The following RERE variants were observed in gnomAD, a reference collection of about 807,000 sequenced individuals.
The protein encoded by RERE is arginine-glutamic acid dipeptide repeats protein.
In RERE, 40 loss-of-function variants were observed where a neutral mutation model predicts 146.1. The observed-to-expected ratio is 0.27, with a 90% CI of 0.21 to 0.36. The LOEUF (loss-of-function observed/expected upper bound fraction) is 0.36. Ranked by LOEUF, RERE falls within the 10% of genes least tolerant of loss-of-function variation. The probability of loss-of-function intolerance (pLI) is 1.00; values close to 1 mark genes in which losing one functional copy is unlikely to be tolerated. For synonymous variants in RERE, 1,003 were observed against 866.0 expected (o/e 1.16, Z -2.78); for missense variants, 1,933 against 2,138.7 (o/e 0.90, Z 1.90).
intron 1 of RERE, among the ~76,000 whole-genome samples, chr1:8,681,193 C>T (rs1003126812): frequency 3.3e-5 from 5 of 152,158 alleles, no homozygotes; most frequent in Non-Finnish European, 7.4e-5. Flanking sequence ...CAATAAGCTA[C>T]TATTCTCCTA....
chr1:8,565,256 A>C (rs771799324), intron 4 of RERE, among the ~76,000 whole-genome samples: 3 of 152,176 alleles, frequency 2.0e-5, no homozygotes, highest in Non-Finnish European at 4.4e-5. Context: ...AATTAGCTTG[A>C]ATTATTCTAC....
At chr1:8,733,423 G>C (rs568840904) in intron 1 of RERE, among the ~76,000 whole-genome samples, 1 of 152,312 alleles carries the variant, frequency 6.6e-6, no homozygotes, top group African/African-American at 2.4e-5. Context: ...CTGCCTCCTG[G>C]TATTCAAACT....
At chr1:8,745,677 G>C (rs1364628135) in intron 1 of RERE, among the ~76,000 whole-genome samples, 4 of 152,166 alleles carry the variant, frequency 2.6e-5, no homozygotes, top group Non-Finnish European at 5.9e-5. Context: ...TTGGACCTCT[G>C]TCCTCAGCCC....
At chr1:8,368,842 C>T (rs1378723510) in intron 12 of RERE, among the ~76,000 whole-genome samples, 1 of 151,828 alleles carries the variant, frequency 6.6e-6, no homozygotes, top group African/African-American at 2.4e-5. Context: ...AGGAGGATCA[C>T]TTGAGGCCAG....
chr1:8,812,847 G>A (rs1413099207), intron 1 of RERE, among the ~76,000 whole-genome samples: 2 of 151,982 alleles, frequency 1.3e-5, no homozygotes, highest in Admixed American at 6.6e-5. Context: ...TTTAGTATTT[G>A]AACTTGAGTT....
chr1:8,593,544 C>A (rs1218718133), intron 4 of RERE, among the ~76,000 whole-genome samples: 2 of 152,186 alleles, frequency 1.3e-5, no homozygotes, highest in Non-Finnish European at 2.9e-5. Context: ...CAGCCATGTG[C>A]AACTGTGAGC....
At chr1:8,473,578 T>C (rs76402679) in intron 10 of RERE, among the ~76,000 whole-genome samples, 424 of 152,366 alleles carry the variant, frequency 2.8e-3, no homozygotes, top group African/African-American at 9.6e-3. Flanking sequence ...ATTTAGCTAG[T>C]TGCCTAAAAA....
intron 12 of RERE, among the ~76,000 whole-genome samples, chr1:8,375,001 T>A (rs1642185320): frequency 6.6e-6 from 1 of 152,172 alleles, no homozygotes; most frequent in African/African-American, 2.4e-5. Flanking sequence ...CTGGATGGCA[T>A]CATACAGGTT....
At chr1:8,559,294 A>AAAAAAAAAAAC (rs1399562834) in intron 4 of RERE, among the ~76,000 whole-genome samples, 8 of 144,636 alleles carry the variant, frequency 5.5e-5, no homozygotes, top group African/African-American at 1.3e-4. Flanking sequence ...AAAAAAAAAA[A>AAAAAAAAAAAC]AAAAAAAAAA....
chr1:8,501,034 G>T lies in RERE; in HGVS notation c.880-3505C>A, dbSNP rs1370502051. Reference sequence around the variant, plus strand: ...CCCGGCAGCCACCCCGTCCGGGAGGGGGGGGGGGGGTCAGCCCCCCGCCCG... The same window carrying T: ...CCCGGCAGCCACCCCGTCCGGGAGGTGGGGGGGGGGTCAGCCCCCCGCCCG... On this transcript the variant is annotated intron_variant, in intron 8 of 22. Coordinates refer to ENST00000400908, the MANE Select transcript of RERE (RefSeq NM_001042681.2). Among the ~76,000 whole-genome samples the T allele has an allele frequency of 3.7e-5, 5 of 133,526 alleles. 1 individual carries two copies. Among genetic ancestry groups the T allele is most frequent in the East Asian group, 2.1e-4 (1 of 4,660 alleles). 87.6% of individuals were successfully genotyped at this position (133,526 alleles called of 152,430 possible).
At chr1:8,497,616 C>T in intron 8 of RERE, 87 bp from the exon 9 acceptor site, 2 of 1,414,902 alleles carry the variant, frequency 1.4e-6, no homozygotes, top group Non-Finnish European at 2.0e-6. Flanking sequence ...GGAACATATA[C>T]AATGTTTTAC....
intron 12 of RERE, among the ~76,000 whole-genome samples, chr1:8,420,022 T>C (rs1161037523): frequency 1.3e-5 from 2 of 152,188 alleles, no homozygotes; most frequent in South Asian, 2.1e-4. Flanking sequence ...TCAAGTACTA[T>C]AGTTACCAGT....
In RERE at chr1:8,607,534, C is replaced by CTTTTTTTTTTTTTTTTTTTTTTTT. The variant is rs1167501074; in HGVS notation, c.522+7003_522+7026dup. On this transcript the variant is annotated intron_variant, in intron 4 of 22. Transcript: ENST00000400908. ...CGCATATTTGTTTTTATATATATTT[C>CTTTTTTTTTTTTTTTTTTTTTTTT]TTTTTTTTTTTTTTTTTTTTTTTTT... is the stretch of plus-strand genomic sequence containing the variant. Among the ~76,000 whole-genome samples, 20 of 48,584 alleles carry CTTTTTTTTTTTTTTTTTTTTTTTT rather than the reference C, an allele frequency of 4.1e-4. 3 individuals carry two copies. Among genetic ancestry groups the CTTTTTTTTTTTTTTTTTTTTTTTT allele is most frequent in the Admixed American group, 7.1e-4 (2 of 2,806 alleles). The allele number at this position is 48,584 out of a possible 152,430, so 31.9% of individuals were successfully genotyped here.
intron 1 of RERE, among the ~76,000 whole-genome samples, chr1:8,726,147 CTTTTT>C (rs70985511): frequency 2.9e-5 from 2 of 69,408 alleles, no homozygotes; most frequent in Non-Finnish European, 5.0e-5. Flanking sequence ...TTTTTCTTTT[CTTTTT>C]TTTTTTTTTT....
intron 11 of RERE, among the ~76,000 whole-genome samples, chr1:8,445,915 C>T (rs1317459307): frequency 2.8e-5 from 4 of 142,094 alleles, no homozygotes; most frequent in Admixed American, 1.6e-4. Flanking sequence ...CGAGTGAGAA[C>T]ATGTGGTGTT....
intron 1 of RERE, among the ~76,000 whole-genome samples, chr1:8,812,081 T>C (rs769904119): frequency 2.6e-5 from 4 of 152,136 alleles, no homozygotes. Context: ...TTCCCCAACT[T>C]GAGATGACTC....
At chr1:8,629,813 T>G (rs1297052119) in intron 2 of RERE, among the ~76,000 whole-genome samples, 2 of 152,236 alleles carry the variant, frequency 1.3e-5, no homozygotes, top group Non-Finnish European at 2.9e-5. Flanking sequence ...CTCCGCCTAT[T>G]AATCTTTGAA....
intron 7 of RERE, among the ~76,000 whole-genome samples, chr1:8,530,076 T>G (rs573180040): frequency 2.6e-5 from 4 of 152,300 alleles, no homozygotes; most frequent in Admixed American, 2.0e-4. Flanking sequence ...TGCAGGGATG[T>G]ACATACAATC....
chr1:8,672,542 C>T lies in RERE; in HGVS notation c.-144-16101G>A, dbSNP rs574666848. 7.2e-5 allele frequency among the ~76,000 whole-genome samples: 11 copies of T among 152,282 alleles called. No individual in the cohort carries two copies. In the East Asian group the frequency reaches 1.3e-3, roughly 19 times the overall value. On this transcript the variant is annotated intron_variant, in intron 1 of 22. Coordinates refer to ENST00000400908, the MANE Select transcript of RERE (RefSeq NM_001042681.2). Reference sequence around the variant, plus strand: ...ATGACAGGGAAGATGTTTCCAGCAACGAGAGAAAATGCAGTATTATTCCAT... The same window carrying T: ...ATGACAGGGAAGATGTTTCCAGCAATGAGAGAAAATGCAGTATTATTCCAT...
Sources: allele counts gnomAD v4.1 joint callset (sites outside exome capture counted in the v4.1 genomes callset), GRCh38; gene constraint gnomAD v4.1.1; transcripts MANE v1.5; gene names NCBI Gene and HGNC (gene_info 2026-07-23, HGNC 2026-07-21).